Variants in UBOX5 observed in about 807,000 individuals in gnomAD.
UBOX5 encodes RING finger protein 37.
A neutral mutation model predicts 39.0 loss-of-function variants in UBOX5; 28 were observed. That is an observed-to-expected ratio of 0.72 (90% CI 0.53 to 0.98). The LOEUF (loss-of-function observed/expected upper bound fraction) is 0.98, where lower values mean the gene tolerates loss of function less well. UBOX5 is among the 50% of genes least tolerant of loss of function. The pLI is 0.00. For missense variants in UBOX5, 585 were observed against 674.4 expected, an observed-to-expected ratio of 0.87 and a Z score of 1.47; for synonymous variants, 283 against 275.5, an observed-to-expected ratio of 1.03 and a Z score of -0.27.
intron 1 of UBOX5, among the ~76,000 whole-genome samples, chr20:3,142,478 C>T (rs2066525210): frequency 6.6e-6 from 1 of 151,790 alleles, no homozygotes; most frequent in Admixed American, 6.6e-5. Context: ...GTGGTGGGTG[C>T]CTATAATCCT....
intron 1 of UBOX5, among the ~76,000 whole-genome samples, chr20:3,131,002 C>T (rs1006318963): frequency 7.9e-5 from 12 of 151,896 alleles, no homozygotes; most frequent in African/African-American, 1.9e-4. Context: ...GAGGCCGAGG[C>T]GGGCAGATCA....
intron 1 of UBOX5, chr20:3,147,279 G>A (rs1452776812): frequency 1.2e-6 from 2 of 1,614,172 alleles, no homozygotes; most frequent in East Asian, 4.5e-5. Context: ...AATGGCTTCA[G>A]GTTAACATCA....
At chr20:3,155,211 T>C (rs375574984) in intron 1 of UBOX5, among the ~76,000 whole-genome samples, 3 of 152,108 alleles carry the variant, frequency 2.0e-5, no homozygotes, top group Admixed American at 6.5e-5. Flanking sequence ...CTGGGTAACA[T>C]GGTGAAACCC....
At chr20:3,120,632 C>T (rs2066327876) in intron 3 of UBOX5, among the ~76,000 whole-genome samples, 2 of 146,346 alleles carry the variant, frequency 1.4e-5, no homozygotes, top group African/African-American at 2.5e-5. Flanking sequence ...GGCGACACAG[C>T]GAGACTCCAT....
chr20:3,110,118 C>A lies in UBOX5; in HGVS notation c.1614G>T (p.Arg538=), dbSNP rs754446321. Residue 538 remains arginine, a synonymous_variant, in exon 5 of 5, where the codon CGG becomes CGT. Transcript: ENST00000217173. ...GGAGGTCAGTCACTCAGAAGTGGACCCGCAGCACGTCTTGGCTAGCAACCG... is the reference window on the plus strand; with the variant it reads ...GGAGGTCAGTCACTCAGAAGTGGACACGCAGCACGTCTTGGCTAGCAACCG... ...QRPVASQDVL[R]VHF is the part of the protein sequence containing the mutation. 2.2e-5 allele frequency: 36 copies of A among 1,611,810 alleles called. No individual in the cohort carries two copies. Among genetic ancestry groups the A allele is most frequent in the Admixed American group, 1.3e-4 (8 of 59,992 alleles).
Position 3,109,922 on chromosome 20 carries a change from G to A in UBOX5, c.*184C>T. ...CCCCCGCCCTCTGGCCTATGGCTTT[G>A]TTGCCCTATTGCCACCAGCGCAGAA... On this transcript the variant is annotated 3_prime_UTR_variant, in exon 5 of 5. Coordinates refer to ENST00000217173, the MANE Select transcript of UBOX5 (RefSeq NM_014948.4). 1.4e-6 allele frequency: 1 copy of A among 693,404 alleles called. No homozygotes were observed. The highest frequency in any genetic ancestry group is 1.9e-5 in the South Asian group (1 of 53,446). 43.0% of individuals were successfully genotyped at this position (693,404 alleles called of 1,614,324 possible).
chr20:3,148,104 A>C, intron 1 of UBOX5: 2 of 1,614,086 alleles, frequency 1.2e-6, no homozygotes, highest in Non-Finnish European at 1.7e-6. Context: ...AAGAACCCCA[A>C]ACAGATGGTA....
At chr20:3,145,941 G>T (rs144206112) in intron 1 of UBOX5, among the ~76,000 whole-genome samples, 1,674 of 152,100 alleles carry the variant, frequency 0.011, 15 homozygotes, top group Non-Finnish European at 0.018. Context: ...AGCTACTCAG[G>T]TGGCTGAGGC....
chr20:3,130,899 CAGTA>C (rs1202749686), intron 1 of UBOX5, among the ~76,000 whole-genome samples: 1 of 151,848 alleles, frequency 6.6e-6, no homozygotes, highest in Non-Finnish European at 1.5e-5. Context: ...TTACACAAAA[CAGTA>C]AGACAGTTGC....
intron 3 of UBOX5, among the ~76,000 whole-genome samples, chr20:3,118,741 C>T (rs952112842): frequency 2.0e-5 from 3 of 151,890 alleles, no homozygotes; most frequent in Admixed American, 6.6e-5. Context: ...CACTGCACTC[C>T]AGCCTGGGCG....
At chr20:3,146,718 C>T (rs2066566270) in intron 1 of UBOX5, 4 of 1,521,302 alleles carry the variant, frequency 2.6e-6, no homozygotes, top group Non-Finnish European at 3.5e-6. Flanking sequence ...AATCATTTTG[C>T]AACACCTGGT....
intron 1 of UBOX5, among the ~76,000 whole-genome samples, chr20:3,126,651 G>A (rs1000276147): frequency 6.6e-6 from 1 of 150,926 alleles, no homozygotes; most frequent in Non-Finnish European, 1.5e-5. Context: ...GGGAGGGAGA[G>A]AAGACAGAGA....
chr20:3,132,817 CAAA>C (rs11331937), intron 1 of UBOX5, among the ~76,000 whole-genome samples: 15 of 124,500 alleles, frequency 1.2e-4, no homozygotes, highest in Non-Finnish European at 8.7e-5. Flanking sequence ...GGGACTGTCT[CAAA>C]AAAAAAAAAA....
At chr20:3,133,718 T>A (rs529342590) in intron 1 of UBOX5, among the ~76,000 whole-genome samples, 1 of 151,364 alleles carries the variant, frequency 6.6e-6, no homozygotes. Flanking sequence ...CTCTCTCTTT[T>A]TGCCAAGGGG....
chr20:3,125,566 C>A (rs553491686), intron 1 of UBOX5, among the ~76,000 whole-genome samples: 1 of 136,156 alleles, frequency 7.3e-6, no homozygotes, highest in Non-Finnish European at 1.6e-5. Flanking sequence ...CTCTGCCCGG[C>A]CGCCCATCGT....
intron 1 of UBOX5, among the ~76,000 whole-genome samples, chr20:3,154,754 A>G (rs1231344951): frequency 6.6e-6 from 1 of 152,216 alleles, no homozygotes; most frequent in Non-Finnish European, 1.5e-5. Flanking sequence ...TAATACTAAC[A>G]TAATTTTATT....
intron 4 of UBOX5, among the ~76,000 whole-genome samples, chr20:3,113,263 G>C (rs576247969): frequency 1.3e-5 from 2 of 149,510 alleles, no homozygotes; most frequent in Admixed American, 6.7e-5. Context: ...ACTCTAGCCC[G>C]GGCAACAGAG....
At chr20:3,156,227 G>A (rs1222919242) in intron 1 of UBOX5, among the ~76,000 whole-genome samples, 1 of 148,372 alleles carries the variant, frequency 6.7e-6, no homozygotes, top group Admixed American at 6.8e-5. Context: ...CCAGGCTGGA[G>A]TGCAGTGGCG....
chr20:3,112,529 A>G (rs1350313226), intron 4 of UBOX5, among the ~76,000 whole-genome samples: 1 of 152,110 alleles, frequency 6.6e-6, no homozygotes, highest in Admixed American at 6.6e-5. Flanking sequence ...CAGAGAGGAT[A>G]AAAAAGAGGG....
Sources: allele counts gnomAD v4.1 joint callset (sites outside exome capture counted in the v4.1 genomes callset), GRCh38; gene constraint gnomAD v4.1.1; transcripts MANE v1.5; gene names NCBI Gene and HGNC (gene_info 2026-07-23, HGNC 2026-07-21).